The following HACE1 variants were observed in gnomAD, a reference collection of about 807,000 sequenced individuals.
HACE1 encodes the protein HECT domain and ankyrin repeat containing E3 ubiquitin protein ligase 1.
In HACE1, 73 loss-of-function variants were observed where a neutral mutation model predicts 118.4. The ratio of observed to expected loss-of-function variants is 0.62; its 90% CI spans 0.51 to 0.75. The LOEUF (loss-of-function observed/expected upper bound fraction) is 0.75, where lower values mean the gene tolerates loss of function less well. Among genes scored for constraint, HACE1 ranks in the 30% least tolerant of loss-of-function variants. HACE1 has a pLI of 0.00. For missense variants in HACE1, 749 were observed against 1,102.2 expected, an observed-to-expected ratio of 0.68 and a Z score of 4.54; for synonymous variants, 368 against 374.8, an observed-to-expected ratio of 0.98 and a Z score of 0.21.
intron 6 of HACE1, among the ~76,000 whole-genome samples, chr6:104,829,850 T>C (rs1455238920): frequency 6.6e-6 from 1 of 152,200 alleles, no homozygotes; most frequent in Non-Finnish European, 1.5e-5. Flanking sequence ...CATCTGACTA[T>C]GAGGAATTCT....
intron 19 of HACE1, among the ~76,000 whole-genome samples, chr6:104,769,700 G>A (rs193188520): frequency 1.3e-5 from 2 of 152,234 alleles, no homozygotes; most frequent in East Asian, 1.9e-4. Flanking sequence ...TTGAAATTAG[G>A]AGGCTTGGGT....
At chr6:104,794,351 T>C (rs1040157444) in intron 10 of HACE1, among the ~76,000 whole-genome samples, 20 of 152,178 alleles carry the variant, frequency 1.3e-4, no homozygotes, top group African/African-American at 4.8e-4. Context: ...TTTTCTAATG[T>C]AGGAAAACAG....
At chr6:104,814,893 T>C (rs1219549335) in intron 6 of HACE1, among the ~76,000 whole-genome samples, 1 of 138,722 alleles carries the variant, frequency 7.2e-6, no homozygotes, top group Non-Finnish European at 1.6e-5. Flanking sequence ...CTCACAGTCA[T>C]GCTTCCTGTT....
chr6:104,796,698 G>T lies in HACE1; in HGVS notation c.773C>A (p.Thr258Asn). The T allele has an allele frequency of 1.3e-6, 2 of 1,589,484 alleles. No individual in the cohort carries two copies. Among genetic ancestry groups the T allele is most frequent in the African/African-American group, 1.3e-5 (1 of 74,364 alleles). ...TTCATTCTGTGTCATTTGAATAATA[G>T]TCTGAAAAAGCCTCGGGTGATATTG... ...LIQYHPRLFQ[T>N]IIQMTQNEDL... The change falls in exon 9 of 24, where the codon ACT becomes AAT. Residue 258 changes from threonine (T) to asparagine (N), a missense_variant. Around this residue, in one of 5 missense-constraint regions of HACE1, gnomAD observed 267 missense variants for 312.2 expected, o/e 0.86. Coordinates refer to ENST00000262903, the MANE Select transcript of HACE1 (RefSeq NM_020771.4).
chr6:104,742,245 G>GC (rs1776822995), intron 22 of HACE1, among the ~76,000 whole-genome samples: 1 of 135,974 alleles, frequency 7.4e-6, no homozygotes, highest in South Asian at 2.3e-4. Flanking sequence ...CAGGACATAG[G>GC]CATGGGCAAG....
At chr6:104,800,357 G>C (rs1679655120) in intron 7 of HACE1, among the ~76,000 whole-genome samples, 1 of 152,180 alleles carries the variant, frequency 6.6e-6, no homozygotes, top group Admixed American at 6.5e-5. Flanking sequence ...TCAGAAGAGA[G>C]CAGTGGTTCT....
chr6:104,797,541 G>GT (rs1562392670), intron 7 of HACE1, among the ~76,000 whole-genome samples: 4 of 151,790 alleles, frequency 2.6e-5, no homozygotes, highest in Non-Finnish European at 4.4e-5. Flanking sequence ...ACCAATGTAA[G>GT]AGAATCTGGG....
rs772652041 is a variant in HACE1 at position 104,771,316 on chromosome 6, A to C, written c.2088T>G (p.Asp696Glu). Residue 696 changes from aspartate (D) to glutamate (E), a missense_variant, in exon 19 of 24, where the codon GAT becomes GAG. Physicochemically the swap from Asp to Glu is conservative, Grantham distance 45. This residue lies in a region of HACE1 where 195 missense variants were observed against 322.1 expected (regional missense o/e 0.61). Transcript: ENST00000262903. ...CTAGACCCAGATCACTTATATCATT[A>C]TCTAAAATCCATTGCAAATTTTTCG... The part of the protein sequence containing the change: ...EYAKNLQWIL[D>E]NDISDLGLEL... 6.2e-7 allele frequency: 1 copy of C among 1,611,712 alleles called. No homozygotes were observed. Among genetic ancestry groups the C allele is most frequent in the Admixed American group, 1.7e-5 (1 of 60,006 alleles).
intron 19 of HACE1, among the ~76,000 whole-genome samples, chr6:104,756,795 G>A (rs1463521886): frequency 3.3e-5 from 5 of 152,350 alleles, no homozygotes; most frequent in African/African-American, 1.2e-4. Context: ...CCTAGCCAAG[G>A]GAAGCCGTGA....
At chr6:104,785,524 G>A in intron 11 of HACE1, 2 of 533,232 alleles carry the variant, frequency 3.8e-6, no homozygotes, top group Non-Finnish European at 3.3e-6. Flanking sequence ...CTTCATTTAT[G>A]GCAATAATTT....
At chr6:104,732,044 T>A (rs1775267995) in intron 22 of HACE1, 1 of 151,630 alleles carries the variant, frequency 6.6e-6, no homozygotes, top group Admixed American at 6.6e-5. Context: ...CGGCAAAAAA[T>A]CAAAAAAACA....
intron 17 of HACE1, among the ~76,000 whole-genome samples, chr6:104,772,868 A>G (rs1780794363): frequency 6.6e-6 from 1 of 152,088 alleles, no homozygotes; most frequent in Admixed American, 6.6e-5. Flanking sequence ...GATATGGGAG[A>G]TATTGCTTAA....
In HACE1 at chr6:104,859,742, G is replaced by C; in HGVS notation, c.-100C>G. The C allele has an allele frequency of 8.9e-7, 1 of 1,128,276 alleles. No homozygotes were observed. Among genetic ancestry groups the C allele is most frequent in the Non-Finnish European group, 1.3e-6 (1 of 795,636 alleles). 69.9% of individuals were successfully genotyped at this position (1,128,276 alleles called of 1,614,324 possible). On this transcript the variant is annotated 5_prime_UTR_variant, in exon 1 of 24. Coordinates refer to ENST00000262903, the MANE Select transcript of HACE1 (RefSeq NM_020771.4). ...CGCCTGGGCCCGTCCAGCAGGCGGA[G>C]ACGCGGGCTTGCCCCGGCTAGAGCA...
At chr6:104,742,451 A>C (rs952553821) in intron 22 of HACE1, among the ~76,000 whole-genome samples, 1 of 151,536 alleles carries the variant, frequency 6.6e-6, no homozygotes, top group African/African-American at 2.4e-5. Flanking sequence ...GAATGAACTC[A>C]AACAAATTTA....
chr6:104,768,272 T>G (rs1780218755), intron 19 of HACE1, among the ~76,000 whole-genome samples: 1 of 152,068 alleles, frequency 6.6e-6, no homozygotes, highest in South Asian at 2.1e-4. Flanking sequence ...AGTTCAAAAT[T>G]ATAAAGTCGA....
chr6:104,785,100 C>G lies in HACE1; in HGVS notation c.1294G>C (p.Ala432Pro). Residue 432 changes from alanine (A) to proline (P), a missense_variant, in exon 12 of 24, where the codon GCA (alanine) becomes CCA (proline). By Grantham distance (27) the Ala-to-Pro change is conservative (BLOSUM62 -1). Transcript: ENST00000262903. ...TCTGCACTGGCTTCCTGTCTCCCTG[C>G]AAGAGCATCTGGTTTAGATTCCCTT... The part of the protein sequence containing the change: ...GTRESKPDAL[A>P]GRQEASADCQ... 6.2e-7 allele frequency: 1 copy of G among 1,613,974 alleles called. No individual in the cohort carries two copies. The highest frequency in any genetic ancestry group is 8.5e-7 in the Non-Finnish European group (1 of 1,179,906).
chr6:104,793,839 C>T (rs1783328665), intron 10 of HACE1, among the ~76,000 whole-genome samples: 1 of 152,158 alleles, frequency 6.6e-6, no homozygotes, highest in Non-Finnish European at 1.5e-5. Context: ...ATACTCACTA[C>T]CAACCCCAAC....
chr6:104,857,463 T>C (rs910721463), intron 1 of HACE1, among the ~76,000 whole-genome samples: 18 of 151,676 alleles, frequency 1.2e-4, no homozygotes, highest in African/African-American at 2.4e-5. Context: ...GAAACTGATA[T>C]GTTGAGCCTT....
At chr6:104,734,918 G>A (rs1345215959) in intron 22 of HACE1, among the ~76,000 whole-genome samples, 3 of 152,106 alleles carry the variant, frequency 2.0e-5, no homozygotes, top group Admixed American at 2.0e-4. Flanking sequence ...TCACTAGATG[G>A]TGTTGAAGTA....
Sources: allele counts gnomAD v4.1 joint callset (sites outside exome capture counted in the v4.1 genomes callset), GRCh38; gene constraint gnomAD v4.1.1; regional missense constraint gnomAD v4.1.1; transcripts MANE v1.5; gene names NCBI Gene and HGNC (gene_info 2026-07-23, HGNC 2026-07-21).